UVRAG: variants seen among roughly 807,000 people sequenced by gnomAD.
UVRAG encodes UV radiation resistance-associated gene protein.
A neutral mutation model predicts 78.0 loss-of-function variants in UVRAG; 19 were observed. The observed-to-expected ratio is 0.24, with a 90% CI of 0.17 to 0.36. The LOEUF is 0.36. UVRAG is among the 10% of genes least tolerant of loss of function. The pLI is 1.00. For synonymous variants in UVRAG, 323 were observed against 324.6 expected (o/e 1.00, Z 0.05); for missense variants, 740 against 853.8 (o/e 0.87, Z 1.66).
intron 1 of UVRAG, among the ~76,000 whole-genome samples, chr11:75,823,173 A>G (rs1366518449): frequency 6.6e-6 from 1 of 152,188 alleles, no homozygotes; most frequent in African/African-American, 2.4e-5. Context: ...GGAACTGTGT[A>G]CAAAGACCAA....
chr11:75,883,666 G>C (rs1372192502), intron 4 of UVRAG, among the ~76,000 whole-genome samples: 2 of 152,176 alleles, frequency 1.3e-5, no homozygotes, highest in Admixed American at 1.3e-4. Context: ...CTTAGACCCG[G>C]TGTACTGATG....
chr11:75,882,436 C>T (rs565480221), intron 4 of UVRAG, among the ~76,000 whole-genome samples: 6 of 151,380 alleles, frequency 4.0e-5, no homozygotes, highest in East Asian at 1.9e-4. Flanking sequence ...TTGCTTGAAC[C>T]GGGGAGGTGG....
chr11:76,098,051 T>G (rs1951817766), intron 13 of UVRAG, among the ~76,000 whole-genome samples: 1 of 152,146 alleles, frequency 6.6e-6, no homozygotes, highest in South Asian at 2.1e-4. Flanking sequence ...GGTTTTTGTT[T>G]GTTTGTTTGT....
intron 6 of UVRAG, among the ~76,000 whole-genome samples, chr11:75,928,783 CA>C (rs112592764): frequency 0.11 from 15,782 of 149,538 alleles, 1,604 homozygotes; most frequent in African/African-American, 0.27. Flanking sequence ...ACTAAAAATA[CA>C]AAAAAAAATT....
chr11:76,082,608 T>C (rs901113471), intron 13 of UVRAG, among the ~76,000 whole-genome samples: 3 of 151,998 alleles, frequency 2.0e-5, no homozygotes, highest in African/African-American at 7.2e-5. Context: ...ATCAAATTCT[T>C]GTCATCTCTT....
intron 13 of UVRAG, among the ~76,000 whole-genome samples, chr11:76,082,831 A>G (rs1441675768): frequency 6.6e-6 from 1 of 152,142 alleles, no homozygotes; most frequent in African/African-American, 2.4e-5. Context: ...GGAGTTCAAG[A>G]CCAACCTGAG....
chr11:75,974,764 A>G (rs1949202355), intron 7 of UVRAG, among the ~76,000 whole-genome samples: 1 of 152,126 alleles, frequency 6.6e-6, no homozygotes, highest in African/African-American at 2.4e-5. Context: ...ATCTTTGTAG[A>G]TTCTGGATAT....
chr11:75,823,277 C>A (rs1190871843), intron 1 of UVRAG, among the ~76,000 whole-genome samples: 1 of 152,176 alleles, frequency 6.6e-6, no homozygotes, highest in Non-Finnish European at 1.5e-5. Flanking sequence ...TCCCTCTATA[C>A]TGTAGTCTTT....
At chr11:76,109,968 T>G (rs923778809) in intron 13 of UVRAG, among the ~76,000 whole-genome samples, 1 of 152,166 alleles carries the variant, frequency 6.6e-6, no homozygotes, top group Non-Finnish European at 1.5e-5. Context: ...CTGACATGTG[T>G]GTGTTTATTC....
chr11:75,821,597 G>C (rs1945391043), intron 1 of UVRAG, among the ~76,000 whole-genome samples: 1 of 152,162 alleles, frequency 6.6e-6, no homozygotes, highest in African/African-American at 2.4e-5. Context: ...GCCAACCAAA[G>C]CAGTGTTGAG....
chr11:75,953,341 C>T (rs1210523625), intron 6 of UVRAG, among the ~76,000 whole-genome samples: 1 of 152,122 alleles, frequency 6.6e-6, no homozygotes, highest in Non-Finnish European at 1.5e-5. Flanking sequence ...TTAAATCTTT[C>T]CCAGCTTAAA....
At chr11:75,938,689 C>G (rs574372125) in intron 6 of UVRAG, among the ~76,000 whole-genome samples, 2 of 152,182 alleles carry the variant, frequency 1.3e-5, no homozygotes, top group African/African-American at 2.4e-5. Flanking sequence ...CCTGTGAAAT[C>G]TCTGCTTTTT....
chr11:75,856,292 C>T (rs553597864), intron 2 of UVRAG, among the ~76,000 whole-genome samples: 15 of 152,256 alleles, frequency 9.9e-5, no homozygotes, highest in African/African-American at 3.4e-4. Context: ...CGTGAGCCAC[C>T]GTGCCCGGCC....
intron 12 of UVRAG, among the ~76,000 whole-genome samples, chr11:76,052,655 C>T (rs754689060): frequency 6.6e-6 from 1 of 152,310 alleles, no homozygotes; most frequent in South Asian, 2.1e-4. Context: ...CTGTTGATAG[C>T]GTCCTTCTTA....
At chr11:76,081,179 C>G (rs776949337) in intron 13 of UVRAG, among the ~76,000 whole-genome samples, 1 of 151,864 alleles carries the variant, frequency 6.6e-6, no homozygotes, top group African/African-American at 2.4e-5. Flanking sequence ...ACTCATTGTC[C>G]CTCTTATTCA....
At chr11:76,075,707 C>T (rs1951391627) in intron 13 of UVRAG, among the ~76,000 whole-genome samples, 1 of 152,102 alleles carries the variant, frequency 6.6e-6, no homozygotes, top group Non-Finnish European at 1.5e-5. Context: ...TTTCATTGCC[C>T]CCAAAAGAAA....
chr11:76,080,609 A>G (rs1487326533), intron 13 of UVRAG, among the ~76,000 whole-genome samples: 8 of 152,144 alleles, frequency 5.3e-5, no homozygotes, highest in Non-Finnish European at 2.9e-5. Context: ...GGGACAAGAA[A>G]CCAGTTTTCT....
chr11:76,035,602 A>G (rs1262313713), intron 12 of UVRAG, among the ~76,000 whole-genome samples: 2 of 152,230 alleles, frequency 1.3e-5, no homozygotes, highest in East Asian at 1.9e-4. Flanking sequence ...TCATGCATTC[A>G]TTAAATGTTT....
At chr11:76,133,240 G>T (rs981927251) in intron 14 of UVRAG, among the ~76,000 whole-genome samples, 2 of 152,052 alleles carry the variant, frequency 1.3e-5, no homozygotes, top group Admixed American at 6.5e-5. Context: ...GTAACTATTG[G>T]TAGCTATAAC....
Sources: allele counts gnomAD v4.1 joint callset (sites outside exome capture counted in the v4.1 genomes callset), GRCh38; gene constraint gnomAD v4.1.1; transcripts MANE v1.5; gene names NCBI Gene and HGNC (gene_info 2026-07-23, HGNC 2026-07-21).